The following NUDCD3 variants were observed in gnomAD, a reference collection of about 807,000 sequenced individuals.
NUDCD3 encodes nudC domain-containing protein 3.
NUDCD3 carries 13 observed loss-of-function variants against 39.7 expected under a neutral mutation model. The ratio of observed to expected loss-of-function variants is 0.33; its 90% CI spans 0.21 to 0.52. The LOEUF (loss-of-function observed/expected upper bound fraction) is 0.52, where lower values mean the gene tolerates loss of function less well. Ranked by LOEUF, NUDCD3 falls within the 20% of genes least tolerant of loss-of-function variation. The pLI is 0.96. For missense variants in NUDCD3, 453 were observed against 458.1 expected (o/e 0.99, Z 0.10); for synonymous variants, 175 against 172.4 (o/e 1.02, Z -0.12).
chr7:44,417,609 T>C (rs1278098470), intron 3 of NUDCD3, among the ~76,000 whole-genome samples: 1 of 152,200 alleles, frequency 6.6e-6, no homozygotes, highest in Admixed American at 6.5e-5. Flanking sequence ...TGGCAATCGA[T>C]GCTTTTCCTA....
intron 2 of NUDCD3, among the ~76,000 whole-genome samples, chr7:44,433,399 CAT>C (rs1311493735): frequency 6.6e-6 from 1 of 151,902 alleles, no homozygotes; most frequent in Non-Finnish European, 1.5e-5. Context: ...GCGGCTGGTG[CAT>C]GTGTACCTGC....
At chr7:44,488,629 CCTGT>C (rs1316188861) in intron 1 of NUDCD3, among the ~76,000 whole-genome samples, 1 of 152,186 alleles carries the variant, frequency 6.6e-6, no homozygotes, top group African/African-American at 2.4e-5. Flanking sequence ...TCAAGTTCAA[CCTGT>C]CTAAAACTGA....
intron 2 of NUDCD3, among the ~76,000 whole-genome samples, chr7:44,444,728 T>C (rs965531248): frequency 6.6e-6 from 1 of 152,192 alleles, no homozygotes; most frequent in Non-Finnish European, 1.5e-5. Context: ...TAAGTATCAC[T>C]TGGTCTCTTG....
chr7:44,484,647 A>T (rs1349532018), intron 2 of NUDCD3: 4 of 238,360 alleles, frequency 1.7e-5, no homozygotes, highest in Non-Finnish European at 3.3e-5. Flanking sequence ...AAACACAAAC[A>T]ATCGAGCTGC....
chr7:44,396,793 G>A (rs1386675711), intron 4 of NUDCD3, among the ~76,000 whole-genome samples: 3 of 152,112 alleles, frequency 2.0e-5, no homozygotes, highest in East Asian at 3.9e-4. Flanking sequence ...CCACTGAATG[G>A]TACAGAGCAT....
chr7:44,392,176 C>A, intron 5 of NUDCD3, 121 bp downstream of exon 5: 1 of 907,618 alleles, frequency 1.1e-6, no homozygotes, highest in Non-Finnish European at 1.7e-6. Context: ...TAGGACATGG[C>A]AGGAAGCTGG....
intron 2 of NUDCD3, among the ~76,000 whole-genome samples, chr7:44,451,066 G>A (rs1799786371): frequency 6.6e-6 from 1 of 152,202 alleles, no homozygotes; most frequent in African/African-American, 2.4e-5. Context: ...TACAATAGCT[G>A]AAAGGTGGAA....
rs1463041236 is a variant in NUDCD3 at position 44,382,498 on chromosome 7, T to C, written c.*3513A>G. On this transcript the variant is annotated 3_prime_UTR_variant, in exon 6 of 6. Transcript: ENST00000355451. Reference sequence around the variant, plus strand: ...CCAGGGCTTTGTGACCCTGTCCCTATGGGGCACCCTGGCGTCCAGTGGGCA... The same window carrying C: ...CCAGGGCTTTGTGACCCTGTCCCTACGGGGCACCCTGGCGTCCAGTGGGCA... The C allele has an allele frequency of 6.6e-6, 1 of 152,230 alleles. No homozygotes were observed. Among genetic ancestry groups the C allele is most frequent in the African/African-American group, 2.4e-5 (1 of 41,454 alleles). The allele number at this position is 152,230 out of a possible 1,614,324, so 9.4% of individuals were successfully genotyped here.
At chr7:44,479,406 C>T (rs1421319135) in intron 2 of NUDCD3, among the ~76,000 whole-genome samples, 2 of 152,090 alleles carry the variant, frequency 1.3e-5, no homozygotes, top group African/African-American at 4.8e-5. Context: ...TATATAGAGG[C>T]AGGAGGAGTA....
In NUDCD3 at chr7:44,459,440, G is replaced by A. The variant is rs149314358; in HGVS notation, c.509+25528C>T. On this transcript the variant is annotated intron_variant, in intron 2 of 5. Transcript: ENST00000355451. ...TGGGCTCATGCAATCCTTCTGCCTCGGCCTCTTGAAGTGTTGGGATTACAG... is the reference window on the plus strand; with the variant it reads ...TGGGCTCATGCAATCCTTCTGCCTCAGCCTCTTGAAGTGTTGGGATTACAG... Among the ~76,000 whole-genome samples the A allele has an allele frequency of 4.0e-3, 604 of 152,074 alleles. 7 individuals carry two copies. Among genetic ancestry groups the A allele is most frequent in the African/African-American group, 0.014 (573 of 41,500 alleles).
chr7:44,426,891 T>C (rs1033020521), intron 3 of NUDCD3, among the ~76,000 whole-genome samples: 2 of 152,196 alleles, frequency 1.3e-5, no homozygotes, highest in Non-Finnish European at 2.9e-5. Context: ...TGCAGCCATG[T>C]TGTTGCCCTG....
chr7:44,441,753 G>C (rs1044501597), intron 2 of NUDCD3, among the ~76,000 whole-genome samples: 1 of 152,104 alleles, frequency 6.6e-6, no homozygotes, highest in Non-Finnish European at 1.5e-5. Context: ...GGAACAACGT[G>C]GGACTTACAA....
At chr7:44,427,072 A>G (rs1412162723) in intron 3 of NUDCD3, among the ~76,000 whole-genome samples, 1 of 152,236 alleles carries the variant, frequency 6.6e-6, no homozygotes, top group African/African-American at 2.4e-5. Flanking sequence ...GGCAAAGCCC[A>G]GGAAACTCAC....
chr7:44,488,752 T>C (rs889800700), intron 1 of NUDCD3, among the ~76,000 whole-genome samples: 1 of 152,120 alleles, frequency 6.6e-6, no homozygotes, highest in Non-Finnish European at 1.5e-5. Flanking sequence ...CCTTCCTCCA[T>C]CCCTGCTCCC....
chr7:44,443,640 G>A (rs1261182024), intron 2 of NUDCD3, among the ~76,000 whole-genome samples: 3 of 152,072 alleles, frequency 2.0e-5, no homozygotes, highest in South Asian at 2.1e-4. Flanking sequence ...CGAACTCCTG[G>A]CCTCAAGTGA....
intron 2 of NUDCD3, among the ~76,000 whole-genome samples, chr7:44,440,037 C>T (rs1276305005): frequency 1.3e-5 from 2 of 152,126 alleles, no homozygotes; most frequent in East Asian, 3.8e-4. Context: ...CTCCATCCTC[C>T]TAGGAAGCAG....
chr7:44,401,579 C>T (rs1055674870), intron 4 of NUDCD3, among the ~76,000 whole-genome samples: 1 of 152,114 alleles, frequency 6.6e-6, no homozygotes, highest in African/African-American at 2.4e-5. Context: ...GAACGCAATG[C>T]CATCTATTGA....
At chr7:44,425,615 G>C (rs1378931277) in intron 3 of NUDCD3, among the ~76,000 whole-genome samples, 2 of 152,260 alleles carry the variant, frequency 1.3e-5, no homozygotes, top group Non-Finnish European at 2.9e-5. Flanking sequence ...TGCAATCCCA[G>C]CTACTCAGAA....
intron 2 of NUDCD3, among the ~76,000 whole-genome samples, chr7:44,464,769 T>A (rs538595982): frequency 3.3e-5 from 5 of 152,320 alleles, no homozygotes; most frequent in East Asian, 1.9e-4. Context: ...AATCTTTACA[T>A]AAGCTTCAAT....
Sources: gnomAD v4.1 joint callset for allele counts (sites outside exome capture counted in the v4.1 genomes callset) on GRCh38, gnomAD v4.1.1 for gene constraint, MANE v1.5 for transcripts, NCBI Gene and HGNC (gene_info 2026-07-23, HGNC 2026-07-21) for gene names.